POLR2F: variants seen among roughly 807,000 people sequenced by gnomAD.
POLR2F encodes the protein DNA-directed RNA polymerases I, II, and III subunit RPABC2.
POLR2F carries 12 observed loss-of-function variants against 22.7 expected under a neutral mutation model. The ratio of observed to expected loss-of-function variants is 0.53; its 90% CI spans 0.34 to 0.86. The LOEUF (loss-of-function observed/expected upper bound fraction) is 0.86. Ranked by LOEUF, POLR2F falls within the 40% of genes least tolerant of loss-of-function variation. POLR2F has a pLI of 0.02. For missense variants in POLR2F, 126 were observed against 171.5 expected (o/e 0.73, Z 1.48); for synonymous variants, 57 against 66.0 (o/e 0.86, Z 0.66).
At chr22:37,962,724 T>C (rs1047969088) in intron 3 of POLR2F, among the ~76,000 whole-genome samples, 13 of 152,348 alleles carry the variant, frequency 8.5e-5, no homozygotes, top group African/African-American at 3.1e-4. Context: ...GGAGTCTTGC[T>C]CTGTCACCCA....
upstream of POLR2F, chr22:37,983,723 C>A: frequency 8.1e-6 from 12 of 1,490,620 alleles, no homozygotes; most frequent in Non-Finnish European, 1.1e-5. This position sits in a 1 kb window ranked among gnomAD's most constrained non-coding sequence, Gnocchi z 9.5. Context: ...GGACAGGCAG[C>A]GGGGCTCCTC....
chr22:38,029,844 G>A (rs536252278), downstream of POLR2F, among the ~76,000 whole-genome samples: 1 of 152,312 alleles, frequency 6.6e-6, no homozygotes, highest in African/African-American at 2.4e-5. Context: ...CCTGGTTGTG[G>A]AGCCTTCGTC....
At chr22:37,973,414 C>T, downstream of POLR2F, 2 of 941,990 alleles carry the variant, frequency 2.1e-6, no homozygotes, top group Non-Finnish European at 1.6e-6. Context: ...ACTGCCACCA[C>T]CAGGCCTGAG....
At chr22:37,956,096 G>A (rs139990790) in intron 1 of POLR2F, among the ~76,000 whole-genome samples, 2 of 151,300 alleles carry the variant, frequency 1.3e-5, no homozygotes, top group Admixed American at 6.6e-5. Context: ...GCGGTGGCGG[G>A]GGGGGGTTTT....
chr22:37,955,750 G>A (rs957466422), intron 1 of POLR2F, among the ~76,000 whole-genome samples: 4 of 150,408 alleles, frequency 2.7e-5, no homozygotes, highest in Non-Finnish European at 4.4e-5. Context: ...TGGGGTGACC[G>A]TGGCTCAGTG....
chr22:37,971,814 TC>T (rs1485905416), downstream of POLR2F, among the ~76,000 whole-genome samples: 1 of 151,998 alleles, frequency 6.6e-6, no homozygotes, highest in Non-Finnish European at 1.5e-5. Flanking sequence ...CAAACTCCCG[TC>T]TGCTGAGTGC....
intron 1 of POLR2F, 109 bp downstream of exon 1, chr22:37,953,916 T>G (rs1216884818): frequency 1.5e-6 from 2 of 1,318,132 alleles, no homozygotes; most frequent in Non-Finnish European, 2.1e-6. Flanking sequence ...CTGAGGGGAC[T>G]GGGGTCCTGA....
At chr22:37,971,288 A>G, downstream of POLR2F, 1 of 471,074 alleles carries the variant, frequency 2.1e-6, no homozygotes, top group Non-Finnish European at 4.4e-6. Context: ...CGCAAACTTC[A>G]GTTTCCCCAT....
chr22:38,013,255 A>C (rs1015712296), intron 1 of POLR2F, among the ~76,000 whole-genome samples: 1 of 151,964 alleles, frequency 6.6e-6, no homozygotes. Flanking sequence ...AAGTGATTCT[A>C]CTGCCTCAGC....
At chr22:37,971,920 G>T (rs938277650), downstream of POLR2F, among the ~76,000 whole-genome samples, 9 of 151,914 alleles carry the variant, frequency 5.9e-5, no homozygotes, top group African/African-American at 1.7e-4. Context: ...TAGCCGCCGG[G>T]CTGGGGAGAA....
intron 1 of POLR2F, among the ~76,000 whole-genome samples, chr22:38,004,304 G>A (rs182013671): frequency 5.9e-5 from 9 of 152,224 alleles, no homozygotes; most frequent in Admixed American, 1.3e-4. Context: ...TGTTAACACC[G>A]GTGAAAAATG....
At chr22:37,977,470 G>A (rs544708186) in intron 4 of POLR2F, among the ~76,000 whole-genome samples, 10 of 151,382 alleles carry the variant, frequency 6.6e-5, no homozygotes, top group South Asian at 2.1e-4. Flanking sequence ...ACAGGTGCTC[G>A]CCACCACGCC....
intron 4 of POLR2F, chr22:37,977,783 G>T: frequency 6.9e-7 from 1 of 1,443,320 alleles, no homozygotes. Flanking sequence ...TCTCCCTAGA[G>T]TCCAGGGTCT....
upstream of POLR2F, chr22:37,983,308 T>C: frequency 6.4e-7 from 1 of 1,563,780 alleles, no homozygotes; most frequent in East Asian, 2.4e-5. This position sits in a 1 kb window ranked among gnomAD's most constrained non-coding sequence, Gnocchi z 9.5. Context: ...CTACCCTGAA[T>C]CCACCCGAAG....
intron 5 of POLR2F, among the ~76,000 whole-genome samples, chr22:38,039,866 G>C (rs957326811): frequency 2.0e-5 from 3 of 152,238 alleles, no homozygotes; most frequent in Admixed American, 6.5e-5. Flanking sequence ...TGCTGCAAGA[G>C]GGGGCCTGGG....
chr22:38,011,264 C>G (rs1261251831), intron 1 of POLR2F, among the ~76,000 whole-genome samples: 1 of 151,796 alleles, frequency 6.6e-6, no homozygotes, highest in East Asian at 1.9e-4. Context: ...CCATGCCTAG[C>G]TAATTTTTGT....
Position 37,980,961 on chromosome 22 carries a change from C to A in POLR2F, c.293+13791C>A, listed in dbSNP as rs1316380376. ...TTGCCTGTGTCCGCCTTTCCAGTTT[C>A]TTGGCTCTGGTTCTTTCCAGGCAGA... On this transcript the variant is annotated intron_variant, in intron 4 of 4. Transcript: ENST00000405557. This position sits in a 1 kb window ranked among gnomAD's most constrained non-coding sequence, Gnocchi z 4.1. 6.6e-6 allele frequency among the ~76,000 whole-genome samples: 1 copy of A among 152,218 alleles called. No individual in the cohort carries two copies. The highest frequency in any genetic ancestry group is 1.5e-5 in the Non-Finnish European group (1 of 68,040).
intron 1 of POLR2F, among the ~76,000 whole-genome samples, chr22:37,954,972 T>A (rs1177406190): frequency 6.6e-6 from 1 of 152,006 alleles, no homozygotes; most frequent in Non-Finnish European, 1.5e-5. Context: ...AGCTGATAGA[T>A]CAGGCTAAAT....
chr22:37,956,888 A>G (rs1266829896), intron 2 of POLR2F, 46 bp downstream of exon 2: 3 of 1,440,556 alleles, frequency 2.1e-6, no homozygotes, highest in Admixed American at 3.3e-5. Context: ...CCAAGCTGCC[A>G]AATCGTCTGA....
Sources: gnomAD v4.1 joint callset for allele counts (sites outside exome capture counted in the v4.1 genomes callset) on GRCh38, gnomAD v4.1.1 for gene constraint, Gnocchi (gnomAD v3.1) non-coding constraint, MANE v1.5 for transcripts, NCBI Gene and HGNC (gene_info 2026-07-23, HGNC 2026-07-21) for gene names.